The following UGDH variants were observed in gnomAD, a reference collection of about 807,000 sequenced individuals.
UGDH encodes UDP-Glc dehydrogenase.
A neutral mutation model predicts 50.6 loss-of-function variants in UGDH; 38 were observed. The ratio of observed to expected loss-of-function variants is 0.75; its 90% CI spans 0.58 to 0.98. The LOEUF (loss-of-function observed/expected upper bound fraction) is 0.98. Ranked by LOEUF, UGDH falls within the 50% of genes least tolerant of loss-of-function variation. The probability of loss-of-function intolerance (pLI) is 0.00; values close to 1 mark genes in which losing one functional copy is unlikely to be tolerated. For synonymous variants in UGDH, 168 were observed against 199.9 expected (o/e 0.84, Z 1.35); for missense variants, 465 against 606.2 (o/e 0.77, Z 2.45).
chr4:39,509,641 G>C, intron 6 of UGDH, 119 bp downstream of exon 6: 1 of 1,149,046 alleles, frequency 8.7e-7, no homozygotes, highest in Non-Finnish European at 1.2e-6. Context: ...GAAAATAACA[G>C]CATCTACCTA....
intron 7 of UGDH, among the ~76,000 whole-genome samples, chr4:39,506,170 G>A (rs1400610426): frequency 6.7e-6 from 1 of 150,014 alleles, no homozygotes; most frequent in Non-Finnish European, 1.5e-5. Flanking sequence ...AGAGGTGGCA[G>A]TGAGCCGAGA....
intron 9 of UGDH, among the ~76,000 whole-genome samples, chr4:39,505,024 A>T (rs1745972452): frequency 6.6e-6 from 1 of 152,152 alleles, no homozygotes; most frequent in Non-Finnish European, 1.5e-5. Context: ...GGATTTGTGG[A>T]GTATGTTGGA....
intron 3 of UGDH, among the ~76,000 whole-genome samples, 168 bp from the exon 4 acceptor site, chr4:39,511,029 G>T (rs1246877261): frequency 1.3e-5 from 2 of 152,096 alleles, no homozygotes; most frequent in African/African-American, 4.8e-5. Context: ...ATAATCAGAA[G>T]AAATAGCTTG....
intron 2 of UGDH, among the ~76,000 whole-genome samples, chr4:39,520,592 G>A (rs1409028689): frequency 6.6e-6 from 1 of 151,692 alleles, no homozygotes; most frequent in Non-Finnish European, 1.5e-5. Flanking sequence ...AAATATTTGT[G>A]GCACCAAACT....
intron 1 of UGDH, among the ~76,000 whole-genome samples, chr4:39,522,601 G>A (rs190005411): frequency 4.6e-5 from 7 of 151,950 alleles, no homozygotes; most frequent in South Asian, 2.1e-4. Flanking sequence ...CTAAATTTTC[G>A]TTTGGTTCTC....
At chr4:39,527,117 G>A in intron 1 of UGDH, 166 bp downstream of exon 1, 1 of 1,289,108 alleles carries the variant, frequency 7.8e-7, no homozygotes. Flanking sequence ...TGCGGTTCCC[G>A]CCCTAAGCCC....
rs192598508 is a variant in UGDH, at chr4:39,501,565, A to G, written c.1375-1312T>C. 1.2e-4 allele frequency among the ~76,000 whole-genome samples: 19 copies of G among 152,126 alleles called. No homozygotes were observed. The East Asian group carries it at 1.4e-3, about 11-fold the overall frequency. On this transcript the variant is annotated intron_variant, in intron 11 of 11. Coordinates refer to ENST00000316423, the MANE Select transcript of UGDH (RefSeq NM_003359.4). ...TGGGATTACAGGCGTGAGCCACCGC[A>G]CCCGGCCAGCATAATTCTTAAGAAT...
At chr4:39,514,940 C>T (rs1357533374) in intron 2 of UGDH, among the ~76,000 whole-genome samples, 4 of 151,706 alleles carry the variant, frequency 2.6e-5, no homozygotes, top group Non-Finnish European at 4.4e-5. Flanking sequence ...CCTTGGCCTC[C>T]CAAAGTTCTG....
At position 39,510,774 on chromosome 4, in the gene UGDH, G is replaced by C; in HGVS notation, c.352C>G (p.Gln118Glu). ...ACAATTTTGTACCCATTTGAGTTTT[G>C]CACAATGCGTCTAGCACAAGCTTCA... ...YIEACARRIV[Q>E]NSNGYKIVTE... is the part of the protein sequence containing the mutation. The change falls in exon 4 of 12, where the codon CAA becomes GAA. Residue 118 changes from glutamine (Q) to glutamate (E), a missense_variant. Physicochemically the swap from Gln to Glu is conservative, Grantham distance 29 (BLOSUM62 2). Transcript: ENST00000316423. The C allele has an allele frequency of 5.0e-6, 8 of 1,614,110 alleles. No homozygotes were observed. The highest frequency in any genetic ancestry group is 6.8e-6 in the Non-Finnish European group (8 of 1,180,020).
chr4:39,505,085 CATT>C, intron 9 of UGDH, 149 bp downstream of exon 9: 1 of 706,632 alleles, frequency 1.4e-6, no homozygotes, highest in Non-Finnish European at 2.1e-6. Context: ...ATGTTGATGA[CATT>C]ATGCCTAAGA....
rs768400060 is a variant in UGDH at position 39,504,414 on chromosome 4, T to G, written c.1263+3A>C. 1 of 1,613,750 alleles carries G rather than the reference T, an allele frequency of 6.2e-7. No homozygotes were observed. The highest frequency in any genetic ancestry group is 1.1e-5 in the South Asian group (1 of 91,034). On this transcript the variant is annotated splice_donor_region_variant and intron_variant, in intron 10 of 11. Coordinates refer to ENST00000316423, the MANE Select transcript of UGDH (RefSeq NM_003359.4). ...TTCCTTAGTATCTTTTCTGTTACCT[T>G]ACCTTAAACATGTCCCACTCAGTGC... is the stretch of plus-strand genomic sequence containing the variant.
At chr4:39,500,844 G>A (rs1257075451) in intron 11 of UGDH, among the ~76,000 whole-genome samples, 1 of 152,060 alleles carries the variant, frequency 6.6e-6, no homozygotes, top group Non-Finnish European at 1.5e-5. Context: ...TAGTAGAGAT[G>A]AGGTTTTACA....
In UGDH at chr4:39,499,419, T is replaced by C. The variant is rs1745704081; in HGVS notation, c.*724A>G. On this transcript the variant is annotated 3_prime_UTR_variant, in exon 12 of 12. Coordinates refer to ENST00000316423, the MANE Select transcript of UGDH (RefSeq NM_003359.4). ...AAGGCTGTTTAGCATAGCAATTTCA[T>C]GGATTCAAAATATATCTTTAATGAC... The C allele has an allele frequency of 6.6e-6, 1 of 152,190 alleles. No homozygotes were observed. The highest frequency in any genetic ancestry group is 2.4e-5 in the African/African-American group (1 of 41,454). The allele number at this position is 152,190 out of a possible 1,614,324, so 9.4% of individuals were successfully genotyped here. A position where few individuals can be genotyped will look rare whatever the true frequency, so the allele number is the denominator to read the frequency against.
intron 2 of UGDH, 149 bp from the exon 3 acceptor site, chr4:39,514,333 A>G (rs1209751047): frequency 3.0e-6 from 2 of 661,916 alleles, no homozygotes; most frequent in African/African-American, 3.8e-5. Context: ...TAGACAAGTT[A>G]AGGATCATAT....
At chr4:39,504,913 G>C (rs1745969864) in intron 9 of UGDH, among the ~76,000 whole-genome samples, 1 of 152,188 alleles carries the variant, frequency 6.6e-6, no homozygotes, top group South Asian at 2.1e-4. Context: ...TCTAACACTA[G>C]GACTGCAGGA....
intron 8 of UGDH, 35 bp from the exon 9 acceptor site, chr4:39,505,405 T>C (rs1745987504): frequency 3.4e-6 from 5 of 1,459,520 alleles, no homozygotes; most frequent in Non-Finnish European, 4.5e-6. Flanking sequence ...TGGTAAGCTT[T>C]ATGTGGCATT....
chr4:39,525,486 G>C lies in UGDH; in HGVS notation c.-8+1797C>G, dbSNP rs574255535. Among the ~76,000 whole-genome samples, 235 of 149,426 alleles carry C rather than the reference G, an allele frequency of 1.6e-3. 1 individual carries two copies. The highest frequency in any genetic ancestry group is 5.4e-3 in the African/African-American group (220 of 40,616). ...TGGGATTACAGGCGTGAGCCACTGC[G>C]CCCAGCCCCATTTTCTTTTCTTTTT... On this transcript the variant is annotated intron_variant, in intron 1 of 11. Transcript: ENST00000316423.
chr4:39,505,804 C>T, intron 7 of UGDH, 56 bp from the exon 8 acceptor site: 2 of 1,529,824 alleles, frequency 1.3e-6, no homozygotes, highest in South Asian at 2.6e-5. Context: ...CAGCCTATGA[C>T]ACACATTACT....
At chr4:39,522,466 G>A (rs28378540) in intron 1 of UGDH, among the ~76,000 whole-genome samples, 32,088 of 152,108 alleles carry the variant, frequency 0.21, 5,201 homozygotes, top group African/African-American at 0.43. Context: ...ATCAGAGAAC[G>A]CACTCTGGAA....
Sources: gnomAD v4.1 joint callset for allele counts (sites outside exome capture counted in the v4.1 genomes callset) on GRCh38, gnomAD v4.1.1 for gene constraint, MANE v1.5 for transcripts, NCBI Gene and HGNC (gene_info 2026-07-23, HGNC 2026-07-21) for gene names.